The following EMP2 variants were observed in gnomAD, a reference collection of about 807,000 sequenced individuals.
EMP2 encodes the protein epithelial membrane protein 2.
In EMP2, 19 loss-of-function variants were observed where a neutral mutation model predicts 13.7. The observed-to-expected ratio is 1.38, with a 90% CI of 0.97 to 2.03. The LOEUF (loss-of-function observed/expected upper bound fraction) is 2.03. Among genes scored for constraint, EMP2 ranks in the 30% most tolerant of loss-of-function variants. The pLI, the probability that EMP2 is intolerant of heterozygous loss-of-function variation, is 0.00. For synonymous variants in EMP2, 97 were observed against 84.7 expected (o/e 1.15, Z -0.80); for missense variants, 253 against 220.7 (o/e 1.15, Z -0.93).
intron 1 of EMP2, among the ~76,000 whole-genome samples, chr16:10,570,088 G>A (rs1478724605): frequency 6.6e-6 from 1 of 152,170 alleles, no homozygotes; most frequent in Non-Finnish European, 1.5e-5. Context: ...GTGCCCTGGT[G>A]AACTATCAGA....
In EMP2 at chr16:10,537,992, G is replaced by T. The variant is rs1567200863; in HGVS notation, c.252C>A (p.Leu84=). 6.2e-7 allele frequency: 1 copy of T among 1,614,136 alleles called. No individual in the cohort carries two copies. The highest frequency in any genetic ancestry group is 1.3e-5 in the African/African-American group (1 of 75,030). Residue 84 remains leucine (L), a synonymous_variant, in exon 4 of 5, where the codon CTC becomes CTA. Coordinates refer to ENST00000359543, the MANE Select transcript of EMP2 (RefSeq NM_001424.6). ...LCCIAFFIFV[L]QLFRLKQGER... is the part of the protein sequence containing the mutation. Reference sequence around the variant, plus strand: ...CTCCCTGCTTCAGGCGGAAGAGCTGGAGCACGAAGATGAAGAAGGCGATGC... The same window carrying T: ...CTCCCTGCTTCAGGCGGAAGAGCTGTAGCACGAAGATGAAGAAGGCGATGC...
At chr16:10,574,212 A>G (rs1313067439) in intron 1 of EMP2, among the ~76,000 whole-genome samples, 3 of 152,182 alleles carry the variant, frequency 2.0e-5, no homozygotes, top group African/African-American at 7.2e-5. Context: ...TGCTGGGATT[A>G]GAGGCGTGAG....
chr16:10,578,884 C>G (rs1283358972), intron 1 of EMP2, among the ~76,000 whole-genome samples: 1 of 152,248 alleles, frequency 6.6e-6, no homozygotes, highest in Non-Finnish European at 1.5e-5. Flanking sequence ...TTGCCAAGGC[C>G]CCCGTGGGCA....
chr16:10,534,132 A>G (rs73502054), intron 4 of EMP2, among the ~76,000 whole-genome samples: 1 of 152,062 alleles, frequency 6.6e-6, no homozygotes. Flanking sequence ...AAAGAAAAAT[A>G]TGACTGCCTG....
At chr16:10,554,086 C>T (rs1305280478) in intron 1 of EMP2, among the ~76,000 whole-genome samples, 3 of 148,612 alleles carry the variant, frequency 2.0e-5, no homozygotes, top group Admixed American at 1.4e-4. Context: ...GGCTGGAGTG[C>T]AGTGACGTGA....
At chr16:10,578,596 C>T (rs907947378) in intron 1 of EMP2, among the ~76,000 whole-genome samples, 1 of 152,214 alleles carries the variant, frequency 6.6e-6, no homozygotes, top group Non-Finnish European at 1.5e-5. Flanking sequence ...TCACCCTCCT[C>T]ACAGGGACGC....
In EMP2 at chr16:10,537,528, G is replaced by T. The variant is rs191724638; in HGVS notation, c.316+400C>A. Among the ~76,000 whole-genome samples, 739 of 152,254 alleles carry T rather than the reference G, an allele frequency of 4.9e-3. 5 individuals carry two copies. The highest frequency in any genetic ancestry group is 5.1e-3 in the Non-Finnish European group (348 of 68,012). Reference sequence around the variant, plus strand: ...CTGGTTCACTTCCCACTGCACTCCAGCCCCACTGGGCAGCTCTCCGTCCCT... The same window carrying T: ...CTGGTTCACTTCCCACTGCACTCCATCCCCACTGGGCAGCTCTCCGTCCCT... On this transcript the variant is annotated intron_variant, in intron 4 of 4. Coordinates refer to ENST00000359543, the MANE Select transcript of EMP2 (RefSeq NM_001424.6).
chr16:10,539,258 T>C (rs370403698), intron 3 of EMP2, among the ~76,000 whole-genome samples: 726 of 59,906 alleles, frequency 0.012, 6 homozygotes, highest in African/African-American at 0.021. Context: ...CTTTCTGTCT[T>C]TTTTTTCCTT....
intron 1 of EMP2, among the ~76,000 whole-genome samples, chr16:10,562,525 C>G (rs1313653571): frequency 2.6e-5 from 4 of 152,176 alleles, no homozygotes; most frequent in Non-Finnish European, 5.9e-5. Flanking sequence ...CAGCCCCCAG[C>G]TGACCCACTA....
chr16:10,533,164 G>A (rs1191428414), intron 4 of EMP2, 72 bp from the exon 5 acceptor site: 18 of 1,281,364 alleles, frequency 1.4e-5, no homozygotes, highest in Admixed American at 5.8e-5. Context: ...AGGGGCATAC[G>A]GCCAGAGTTG....
chr16:10,575,990 G>A (rs1875927), intron 1 of EMP2, among the ~76,000 whole-genome samples: 88,404 of 151,730 alleles, frequency 0.58, 26,166 homozygotes, highest in African/African-American at 0.67. Flanking sequence ...CTCTTATAAA[G>A]CCATCTCCCC....
chr16:10,566,746 T>A, intron 1 of EMP2, among the ~76,000 whole-genome samples: 1 of 152,210 alleles, frequency 6.6e-6, no homozygotes, highest in South Asian at 2.1e-4. Context: ...GGTGACTACC[T>A]GTCCATCAGT....
intron 1 of EMP2, among the ~76,000 whole-genome samples, chr16:10,569,883 C>T (rs2050935231): frequency 6.6e-6 from 1 of 152,160 alleles, no homozygotes; most frequent in Non-Finnish European, 1.5e-5. Flanking sequence ...TCATGCCACT[C>T]GGGCCTGATG....
intron 1 of EMP2, among the ~76,000 whole-genome samples, chr16:10,554,645 A>G (rs969751045): frequency 6.6e-6 from 1 of 152,280 alleles, no homozygotes; most frequent in African/African-American, 2.4e-5. Flanking sequence ...TTTCCCTTCG[A>G]AAAATGTAAC....
chr16:10,542,509 C>T (rs2050708213), intron 3 of EMP2, among the ~76,000 whole-genome samples: 1 of 149,586 alleles, frequency 6.7e-6, no homozygotes, highest in Non-Finnish European at 1.5e-5. Flanking sequence ...AATATTTGGG[C>T]CATAGTCATA....
At chr16:10,568,712 G>C (rs1436696192) in intron 1 of EMP2, among the ~76,000 whole-genome samples, 1 of 151,478 alleles carries the variant, frequency 6.6e-6, no homozygotes, top group African/African-American at 2.4e-5. Context: ...CATTCCCTGA[G>C]CATCACTGCC....
At chr16:10,568,010 C>T (rs1287467918) in intron 1 of EMP2, among the ~76,000 whole-genome samples, 3 of 152,324 alleles carry the variant, frequency 2.0e-5, no homozygotes, top group African/African-American at 4.8e-5. Context: ...CCTTCACCAC[C>T]GTCTTGCCTC....
intron 4 of EMP2, among the ~76,000 whole-genome samples, chr16:10,535,280 C>T (rs556552399): frequency 6.6e-6 from 1 of 151,998 alleles, no homozygotes; most frequent in African/African-American, 2.4e-5. Flanking sequence ...GGATGCTATG[C>T]AAGGAAAATG....
chr16:10,576,136 T>A (rs2050982792), intron 1 of EMP2, among the ~76,000 whole-genome samples: 1 of 152,080 alleles, frequency 6.6e-6, no homozygotes, highest in African/African-American at 2.4e-5. Context: ...CAGAAGTATC[T>A]GTGAAACCAT....
Sources: allele counts gnomAD v4.1 joint callset (sites outside exome capture counted in the v4.1 genomes callset), GRCh38; gene constraint gnomAD v4.1.1; transcripts MANE v1.5; gene names NCBI Gene and HGNC (gene_info 2026-07-23, HGNC 2026-07-21).